CAMKMT: variants seen among roughly 807,000 people sequenced by gnomAD.
The protein encoded by CAMKMT is calmodulin-lysine N-methyltransferase.
In CAMKMT, 53 loss-of-function variants were observed where a neutral mutation model predicts 48.0. That is an observed-to-expected ratio of 1.10 (90% CI 0.89 to 1.39). CAMKMT has a LOEUF of 1.39. CAMKMT is among the 40% of genes most tolerant of loss of function. The probability of loss-of-function intolerance (pLI) is 0.00; values close to 1 mark genes in which losing one functional copy is unlikely to be tolerated. For missense variants in CAMKMT, 428 were observed against 402.7 expected (o/e 1.06, Z -0.54); for synonymous variants, 165 against 152.3 (o/e 1.08, Z -0.61).
chr2:44,543,599 A>T (rs1303538884), intron 3 of CAMKMT, among the ~76,000 whole-genome samples: 1 of 152,122 alleles, frequency 6.6e-6, no homozygotes. Flanking sequence ...TGTGCCGGGT[A>T]GAGTTTTGAG....
intron 3 of CAMKMT, among the ~76,000 whole-genome samples, chr2:44,468,484 C>T (rs1013070592): frequency 2.3e-4 from 35 of 152,142 alleles, no homozygotes; most frequent in African/African-American, 7.5e-4. Flanking sequence ...TATGATTCAC[C>T]AGTATCACTG....
intron 3 of CAMKMT, among the ~76,000 whole-genome samples, chr2:44,554,688 T>A (rs115419880): frequency 0.013 from 1,980 of 151,940 alleles, 42 homozygotes; most frequent in African/African-American, 0.045. Context: ...CTTGGCAACA[T>A]AGTTAGACCT....
chr2:44,510,733 G>C (rs1031650520), intron 3 of CAMKMT, among the ~76,000 whole-genome samples: 1 of 152,054 alleles, frequency 6.6e-6, no homozygotes, highest in East Asian at 1.9e-4. Context: ...GGTGATTTCT[G>C]AGATTTTAGT....
chr2:44,437,073 A>T (rs748867671), intron 3 of CAMKMT, among the ~76,000 whole-genome samples: 6 of 152,116 alleles, frequency 3.9e-5, no homozygotes, highest in Admixed American at 3.9e-4. Context: ...CCTCCTTGAT[A>T]TTTGAGTGCT....
At chr2:44,392,087 C>T (rs1488981621) in intron 3 of CAMKMT, 1 of 152,106 alleles carries the variant, frequency 6.6e-6, no homozygotes, top group Non-Finnish European at 1.5e-5. Context: ...GCGATGAGTA[C>T]CTATATAACC....
Position 44,563,177 on chromosome 2 carries a change from A to G in CAMKMT, c.377-141106A>G, listed in dbSNP as rs1451251322. On this transcript the variant is annotated intron_variant, in intron 3 of 10. Transcript: ENST00000378494. ...GTTATAAAAATAATCCTACAATCCC[A>G]CAACTTAGAGGTATCTACTCTTATC... Among the ~76,000 whole-genome samples the G allele has an allele frequency of 1.4e-5, 2 of 146,766 alleles. 1 individual carries two copies. The highest frequency in any genetic ancestry group is 3.1e-5 in the Non-Finnish European group (2 of 65,100).
intron 3 of CAMKMT, among the ~76,000 whole-genome samples, chr2:44,448,448 C>T (rs1217312962): frequency 1.3e-5 from 2 of 152,200 alleles, no homozygotes; most frequent in Non-Finnish European, 1.5e-5. Flanking sequence ...TTTCTTTGGG[C>T]TGTACACCCA....
chr2:44,431,912 G>T (rs1442436938), intron 3 of CAMKMT, among the ~76,000 whole-genome samples: 2 of 152,138 alleles, frequency 1.3e-5, no homozygotes, highest in Non-Finnish European at 2.9e-5. Flanking sequence ...TTACTTCCTG[G>T]AAATGAGCTG....
intron 3 of CAMKMT, among the ~76,000 whole-genome samples, chr2:44,482,440 G>A (rs987926160): frequency 6.6e-6 from 1 of 152,210 alleles, no homozygotes; most frequent in East Asian, 1.9e-4. Flanking sequence ...TGCTATTTTA[G>A]AGTCTTGCTT....
At chr2:44,421,792 T>C (rs1376155334) in intron 3 of CAMKMT, among the ~76,000 whole-genome samples, 1 of 152,210 alleles carries the variant, frequency 6.6e-6, no homozygotes, top group African/African-American at 2.4e-5. Flanking sequence ...GTTTTAAAGA[T>C]TTAGGAATCT....
At chr2:44,402,755 T>TC (rs1682506220) in intron 3 of CAMKMT, among the ~76,000 whole-genome samples, 1 of 149,368 alleles carries the variant, frequency 6.7e-6, no homozygotes, top group African/African-American at 2.4e-5. Flanking sequence ...TTTTTTTTTT[T>TC]TTTTACTTTT....
intron 3 of CAMKMT, among the ~76,000 whole-genome samples, chr2:44,473,515 T>C (rs1476681576): frequency 1.3e-5 from 2 of 152,202 alleles, no homozygotes; most frequent in Non-Finnish European, 2.9e-5. Flanking sequence ...AGCGTGGATT[T>C]AGAGATAAAT....
chr2:44,438,928 C>G (rs1053453696), intron 3 of CAMKMT, among the ~76,000 whole-genome samples: 1 of 152,170 alleles, frequency 6.6e-6, no homozygotes, highest in African/African-American at 2.4e-5. Flanking sequence ...CCCCTTAACC[C>G]CTTGCCTGAT....
intron 3 of CAMKMT, among the ~76,000 whole-genome samples, chr2:44,688,254 C>A (rs1160638106): frequency 6.6e-6 from 1 of 152,116 alleles, no homozygotes; most frequent in African/African-American, 2.4e-5. Flanking sequence ...TAGATGGCCC[C>A]AACAGAGCAA....
chr2:44,673,514 GA>G (rs1413231494), intron 3 of CAMKMT, among the ~76,000 whole-genome samples: 45 of 102,182 alleles, frequency 4.4e-4, no homozygotes, highest in African/African-American at 1.6e-3. Context: ...AGGAAGGAAG[GA>G]AGGAAGGAGG....
chr2:44,634,380 C>G (rs1414137155), intron 3 of CAMKMT, among the ~76,000 whole-genome samples: 2 of 151,874 alleles, frequency 1.3e-5, no homozygotes, highest in Non-Finnish European at 1.5e-5. Flanking sequence ...CCTTTGCTGC[C>G]TGTTGTCCAA....
chr2:44,396,611 G>C (rs978311355), intron 3 of CAMKMT, among the ~76,000 whole-genome samples: 25 of 152,178 alleles, frequency 1.6e-4, no homozygotes, highest in Middle Eastern at 3.4e-3. Flanking sequence ...GTAAATTGTA[G>C]GGAACTGGGT....
chr2:44,462,494 A>G (rs1484521802), intron 3 of CAMKMT, among the ~76,000 whole-genome samples: 4 of 151,796 alleles, frequency 2.6e-5, no homozygotes. Context: ...TGTTGTTTGG[A>G]TTTATGATTA....
intron 3 of CAMKMT, among the ~76,000 whole-genome samples, chr2:44,619,116 C>T (rs943936615): frequency 2.0e-5 from 3 of 152,124 alleles, no homozygotes; most frequent in South Asian, 2.1e-4. Context: ...TACTAATACA[C>T]GTAAGATTGT....
Sources: allele counts gnomAD v4.1 joint callset (sites outside exome capture counted in the v4.1 genomes callset), GRCh38; gene constraint gnomAD v4.1.1; transcripts MANE v1.5; gene names NCBI Gene and HGNC (gene_info 2026-07-23, HGNC 2026-07-21).